The following CCDC148 variants were observed in gnomAD, a reference collection of about 807,000 sequenced individuals.
The protein encoded by CCDC148 is coiled-coil domain-containing protein 148.
In CCDC148, 89 loss-of-function variants were observed where a neutral mutation model predicts 85.7. That is an observed-to-expected ratio of 1.04 (90% CI 0.87 to 1.24). The LOEUF (loss-of-function observed/expected upper bound fraction) is 1.24. Among genes scored for constraint, CCDC148 ranks in the 50% most tolerant of loss-of-function variants. CCDC148 has a pLI of 0.00. For missense variants in CCDC148, 692 were observed against 671.7 expected, an observed-to-expected ratio of 1.03 and a Z score of -0.33; for synonymous variants, 230 against 213.9, an observed-to-expected ratio of 1.08 and a Z score of -0.66.
Position 158,340,396 on chromosome 2 carries a change from A to G in CCDC148, c.335-3T>C. ...CTGTTGTTCTGATAGCTCTTGCTCTATGGTGAAACAAAATTGAATTAAAGG... is the reference window on the plus strand; with the variant it reads ...CTGTTGTTCTGATAGCTCTTGCTCTGTGGTGAAACAAAATTGAATTAAAGG... On this transcript the variant is annotated splice_polypyrimidine_tract_variant and splice_region_variant and intron_variant, in intron 4 of 13. Transcript: ENST00000283233. 2 of 1,612,324 alleles carry G rather than the reference A, an allele frequency of 1.2e-6. No individual in the cohort carries two copies. Among genetic ancestry groups the G allele is most frequent in the Non-Finnish European group, 1.7e-6 (2 of 1,179,178 alleles).
chr2:158,309,682 G>A (rs1306930636), intron 8 of CCDC148, 43 bp from the exon 9 acceptor site: 3 of 1,342,194 alleles, frequency 2.2e-6, no homozygotes, highest in Non-Finnish European at 3.1e-6. Context: ...TTATGAAAAT[G>A]AGCTTACATT....
intron 9 of CCDC148, among the ~76,000 whole-genome samples, chr2:158,259,016 C>T (rs1184758016): frequency 6.6e-6 from 1 of 151,840 alleles, no homozygotes; most frequent in Non-Finnish European, 1.5e-5. Flanking sequence ...CTCTGTGTTC[C>T]AGATGCACCT....
intron 9 of CCDC148, among the ~76,000 whole-genome samples, chr2:158,261,671 G>A (rs538021591): frequency 6.6e-6 from 1 of 150,744 alleles, no homozygotes; most frequent in African/African-American, 2.4e-5. Flanking sequence ...ATTTACAAGA[G>A]AAAAACAATC....
intron 11 of CCDC148, among the ~76,000 whole-genome samples, chr2:158,182,841 T>G (rs1313048580): frequency 6.6e-6 from 1 of 152,160 alleles, no homozygotes; most frequent in Non-Finnish European, 1.5e-5. Context: ...GAAAAACTCC[T>G]GGGAGGAAGC....
At chr2:158,250,636 T>G in intron 10 of CCDC148, 136 bp downstream of exon 10, 1 of 1,269,728 alleles carries the variant, frequency 7.9e-7, no homozygotes, top group Non-Finnish European at 1.0e-6. Flanking sequence ...TTTCATTAGA[T>G]AAAACATTCC....
intron 9 of CCDC148, among the ~76,000 whole-genome samples, chr2:158,300,685 G>A (rs1691398773): frequency 6.6e-6 from 1 of 152,198 alleles, no homozygotes; most frequent in Non-Finnish European, 1.5e-5. Context: ...TGAATTACAA[G>A]GAGTTTGGTA....
At chr2:158,189,858 A>T (rs1273816387) in intron 11 of CCDC148, among the ~76,000 whole-genome samples, 2 of 152,034 alleles carry the variant, frequency 1.3e-5, no homozygotes. Context: ...TGTATCCCCA[A>T]GAACTAGCAG....
At chr2:158,250,556 C>T (rs1330941549) in intron 10 of CCDC148, among the ~76,000 whole-genome samples, 2 of 150,778 alleles carry the variant, frequency 1.3e-5, no homozygotes, top group African/African-American at 4.9e-5. Context: ...ATCACAGGTA[C>T]CTGTGCTCAC....
At chr2:158,318,837 A>G (rs933899533) in intron 7 of CCDC148, among the ~76,000 whole-genome samples, 2 of 151,820 alleles carry the variant, frequency 1.3e-5, no homozygotes, top group Non-Finnish European at 2.9e-5. Flanking sequence ...TGGCGTGATC[A>G]TGGCTCATTG....
intron 11 of CCDC148, among the ~76,000 whole-genome samples, chr2:158,180,538 A>G (rs16842710): frequency 0.099 from 15,111 of 152,118 alleles, 995 homozygotes; most frequent in African/African-American, 0.17. Context: ...CCAGGCAGAG[A>G]CAGCAAGTGC....
chr2:158,455,370 T>C (rs1430252494), intron 1 of CCDC148, among the ~76,000 whole-genome samples: 1 of 152,074 alleles, frequency 6.6e-6, no homozygotes, highest in Non-Finnish European at 1.5e-5. Context: ...GAGTTCACAT[T>C]TTACTACAAA....
intron 1 of CCDC148, among the ~76,000 whole-genome samples, chr2:158,437,212 G>T (rs1268989446): frequency 6.6e-6 from 1 of 152,106 alleles, no homozygotes; most frequent in Non-Finnish European, 1.5e-5. Flanking sequence ...GATGAACATT[G>T]ATGCAAAAAT....
At chr2:158,374,026 T>C (rs1684555128) in intron 1 of CCDC148, among the ~76,000 whole-genome samples, 2 of 152,080 alleles carry the variant, frequency 1.3e-5, no homozygotes, top group Non-Finnish European at 1.5e-5. Context: ...ACCTAATGCA[T>C]GGTAGTATTA....
intron 9 of CCDC148, among the ~76,000 whole-genome samples, chr2:158,261,937 A>T (rs1237634690): frequency 6.6e-6 from 1 of 152,126 alleles, no homozygotes. Flanking sequence ...TAGTTCAACC[A>T]TTATGGAAAG....
chr2:158,365,657 G>C (rs575964301), intron 1 of CCDC148, among the ~76,000 whole-genome samples: 91 of 152,216 alleles, frequency 6.0e-4, no homozygotes, highest in African/African-American at 2.1e-3. Flanking sequence ...GGCCTGTCGG[G>C]GGGTGGAGGG....
Position 158,340,340 on chromosome 2 carries a change from T to G in CCDC148, c.388A>C (p.Ile130Leu), listed in dbSNP as rs1391799181. Residue 130 changes from isoleucine (I) to leucine (L), a missense_variant, in exon 5 of 14, where the codon ATT (isoleucine) becomes CTT (leucine). Physicochemically the swap from Ile to Leu is conservative, Grantham distance 5. Transcript: ENST00000283233. Reference protein sequence around the residue: ...CTYLKNVINPIQQLRADLKYR... With the variant: ...CTYLKNVINPLQQLRADLKYR... ...TTTAGATCTGCTCTCAGCTGCTGAA[T>G]AGGATTTATTACATTTTTAAGATAT... 2.5e-6 allele frequency: 4 copies of G among 1,613,870 alleles called. No homozygotes were observed. The highest frequency in any genetic ancestry group is 3.4e-6 in the Non-Finnish European group (4 of 1,179,948).
At chr2:158,227,489 G>A (rs892835558) in intron 10 of CCDC148, among the ~76,000 whole-genome samples, 16 of 151,998 alleles carry the variant, frequency 1.1e-4, no homozygotes, top group South Asian at 2.1e-4. Context: ...AAAAGAGCCC[G>A]CATTGCCAAG....
rs777142835 is a variant in CCDC148, at chr2:158,214,797, G to GA, written c.1370+5797dup. Among the ~76,000 whole-genome samples the GA allele has an allele frequency of 5.4e-3, 762 of 142,046 alleles. 3 individuals carry two copies. Among genetic ancestry groups the GA allele is most frequent in the Middle Eastern group, 0.011 (3 of 278 alleles). The allele number at this position is 142,046 out of a possible 152,430, so 93.2% of individuals were successfully genotyped here. A position where few individuals can be genotyped will look rare whatever the true frequency, so the allele number is the denominator to read the frequency against. ...TCAAAAATAATTTCTGTCCTCCCCA[G>GA]AAAAAAAAAAAGATGAACTTTTCTA... is the stretch of plus-strand genomic sequence containing the variant. On this transcript the variant is annotated intron_variant, in intron 11 of 13. Transcript: ENST00000283233.
chr2:158,195,182 T>C (rs963760419), intron 11 of CCDC148, among the ~76,000 whole-genome samples: 4 of 152,060 alleles, frequency 2.6e-5, no homozygotes, highest in Non-Finnish European at 4.4e-5. Context: ...TTCTGTGTAT[T>C]TGAGGTATGT....
Sources: allele counts gnomAD v4.1 joint callset (sites outside exome capture counted in the v4.1 genomes callset), GRCh38; gene constraint gnomAD v4.1.1; transcripts MANE v1.5; gene names NCBI Gene and HGNC (gene_info 2026-07-23, HGNC 2026-07-21).